Variants in PRKG1 observed in about 807,000 individuals in gnomAD.
PRKG1 encodes cGMP-dependent protein kinase 1.
A neutral mutation model predicts 88.1 loss-of-function variants in PRKG1; 35 were observed. The observed-to-expected ratio is 0.40, with a 90% CI of 0.30 to 0.53. The LOEUF is 0.53. Ranked by LOEUF, PRKG1 falls within the 20% of genes least tolerant of loss-of-function variation. The probability of loss-of-function intolerance (pLI) is 0.59; values close to 1 mark genes in which losing one functional copy is unlikely to be tolerated. For synonymous variants in PRKG1, 303 were observed against 292.5 expected, an observed-to-expected ratio of 1.04 and a Z score of -0.37; for missense variants, 540 against 839.8, an observed-to-expected ratio of 0.64 and a Z score of 4.41.
chr10:51,002,162 T>C (rs1456987042), intron 1 of PRKG1, among the ~76,000 whole-genome samples: 1 of 149,760 alleles, frequency 6.7e-6, no homozygotes, highest in Non-Finnish European at 1.5e-5. Flanking sequence ...AGAGAAATAA[T>C]GGAAAATTAA....
chr10:52,276,102 G>A (rs988922382), intron 12 of PRKG1, among the ~76,000 whole-genome samples: 1 of 152,034 alleles, frequency 6.6e-6, no homozygotes, highest in African/African-American at 2.4e-5. Flanking sequence ...CTTAGGGTTT[G>A]CCAGGAAAAC....
At chr10:51,252,871 A>T (rs1423326264) in intron 2 of PRKG1, among the ~76,000 whole-genome samples, 3 of 151,788 alleles carry the variant, frequency 2.0e-5, no homozygotes, top group Non-Finnish European at 4.4e-5. Flanking sequence ...TGAAACTGGC[A>T]ATCATTGTTG....
At chr10:51,418,460 A>G (rs767237320) in intron 2 of PRKG1, among the ~76,000 whole-genome samples, 6 of 152,212 alleles carry the variant, frequency 3.9e-5, no homozygotes, top group Non-Finnish European at 7.3e-5. Context: ...AGGTCACTCA[A>G]CATGGGACTA....
At chr10:52,117,805 T>C (rs987975285) in intron 7 of PRKG1, among the ~76,000 whole-genome samples, 3 of 152,118 alleles carry the variant, frequency 2.0e-5, no homozygotes, top group Non-Finnish European at 4.4e-5. Flanking sequence ...ATTTTGTGTG[T>C]GTGTGCATAT....
At chr10:51,910,931 G>A (rs1842202382) in intron 5 of PRKG1, 1 of 152,132 alleles carries the variant, frequency 6.6e-6, no homozygotes, top group Non-Finnish European at 1.5e-5. Flanking sequence ...GGATAAGTTA[G>A]AAAGATAGTG....
chr10:51,213,309 A>T (rs1225867245), intron 2 of PRKG1, among the ~76,000 whole-genome samples: 1 of 151,398 alleles, frequency 6.6e-6, no homozygotes, highest in Non-Finnish European at 1.5e-5. Flanking sequence ...CACACCGGGG[A>T]CTGTTGTGGG....
intron 3 of PRKG1, chr10:51,698,197 C>T (rs780687784): frequency 2.5e-6 from 4 of 1,614,162 alleles, no homozygotes; most frequent in Admixed American, 1.7e-5. Flanking sequence ...CATCCATGCC[C>T]CTTGCTTCCA....
At chr10:51,997,916 C>T (rs1263326763) in intron 5 of PRKG1, among the ~76,000 whole-genome samples, 1 of 152,030 alleles carries the variant, frequency 6.6e-6, no homozygotes. Flanking sequence ...CTGACCATAA[C>T]TTCCAATAAA....
At chr10:51,278,887 A>G (rs1436800530) in intron 2 of PRKG1, among the ~76,000 whole-genome samples, 1 of 151,790 alleles carries the variant, frequency 6.6e-6, no homozygotes, top group East Asian at 1.9e-4. Flanking sequence ...AATTTTATTG[A>G]TCTTTTCAAA....
chr10:51,240,112 T>G (rs1334763140), intron 2 of PRKG1, among the ~76,000 whole-genome samples: 1 of 152,160 alleles, frequency 6.6e-6, no homozygotes, highest in East Asian at 1.9e-4. Flanking sequence ...GACTCTACCT[T>G]GCCAGCCACA....
rs908414405 is a variant in PRKG1, at chr10:51,125,921, A to T, written c.312-27243A>T. The stretch of plus-strand genomic sequence containing the variant: ...TATAAAAAGTGTGTAATTTATAAAT[A>T]TATAAATTATATGATTTATAAATAT... On this transcript the variant is annotated intron_variant, in intron 1 of 17. Coordinates refer to ENST00000373980, the MANE Select transcript of PRKG1 (RefSeq NM_006258.4). 8.1e-4 allele frequency among the ~76,000 whole-genome samples: 109 copies of T among 133,882 alleles called. 1 individual carries two copies. The highest frequency in any genetic ancestry group is 3.1e-4 in the Non-Finnish European group (20 of 65,250). 87.8% of individuals were successfully genotyped at this position (133,882 alleles called of 152,430 possible). A position where few individuals can be genotyped will look rare whatever the true frequency, so the allele number is the denominator to read the frequency against.
At chr10:51,723,310 A>C (rs1218837227) in intron 3 of PRKG1, among the ~76,000 whole-genome samples, 7 of 152,192 alleles carry the variant, frequency 4.6e-5, no homozygotes, top group Non-Finnish European at 5.9e-5. Flanking sequence ...GGACGAGTTC[A>C]TGTCTTTTGC....
At chr10:51,389,261 TTTAATC>T (rs1169820963) in intron 2 of PRKG1, among the ~76,000 whole-genome samples, 1 of 152,248 alleles carries the variant, frequency 6.6e-6, no homozygotes, top group East Asian at 1.9e-4. Flanking sequence ...CAAGTGGCCT[TTTAATC>T]TTATGCAAAG....
intron 4 of PRKG1, among the ~76,000 whole-genome samples, chr10:51,862,790 C>T (rs1008874063): frequency 3.3e-5 from 5 of 152,140 alleles, no homozygotes; most frequent in African/African-American, 1.2e-4. Context: ...CACTGTCAAT[C>T]TTCAACATGT....
chr10:51,760,279 G>GACT (rs1346012537), intron 3 of PRKG1, among the ~76,000 whole-genome samples: 1 of 152,060 alleles, frequency 6.6e-6, no homozygotes, highest in African/African-American at 2.4e-5. Context: ...GGCTATCACT[G>GACT]ACTGTCAGTA....
chr10:51,071,080 A>T (rs1843820478), upstream of PRKG1, among the ~76,000 whole-genome samples: 1 of 152,196 alleles, frequency 6.6e-6, no homozygotes, highest in African/African-American at 2.4e-5. Flanking sequence ...CTGATCTTTG[A>T]TCTTGTAATT....
At chr10:51,454,820 A>T (rs1291551173) in intron 2 of PRKG1, among the ~76,000 whole-genome samples, 1 of 152,202 alleles carries the variant, frequency 6.6e-6, no homozygotes, top group Non-Finnish European at 1.5e-5. Context: ...TGTGGGAATT[A>T]TGGGAGCTAC....
intron 3 of PRKG1, among the ~76,000 whole-genome samples, chr10:51,666,512 C>A (rs1840426477): frequency 6.6e-6 from 1 of 152,146 alleles, no homozygotes; most frequent in East Asian, 1.9e-4. Context: ...TTAATTTACT[C>A]CATAGCATCT....
chr10:51,943,262 A>T (rs1297429145), intron 5 of PRKG1, among the ~76,000 whole-genome samples: 1 of 151,640 alleles, frequency 6.6e-6, no homozygotes, highest in East Asian at 1.9e-4. Context: ...TTTGTCTGTT[A>T]TTGGTGTATA....
Sources: allele counts gnomAD v4.1 joint callset (sites outside exome capture counted in the v4.1 genomes callset), GRCh38; gene constraint gnomAD v4.1.1; transcripts MANE v1.5; gene names NCBI Gene and HGNC (gene_info 2026-07-23, HGNC 2026-07-21).